Variants in HS3ST4 observed in about 807,000 individuals in gnomAD.
HS3ST4 encodes the protein heparan sulfate glucosamine 3-O-sulfotransferase 4.
Under a neutral mutation model 29.2 loss-of-function variants are expected in HS3ST4, and 17 were observed. That is an observed-to-expected ratio of 0.58 (90% CI 0.40 to 0.87). The LOEUF (loss-of-function observed/expected upper bound fraction) is 0.87. Among genes scored for constraint, HS3ST4 ranks in the 40% least tolerant of loss-of-function variants. HS3ST4 has a pLI of 0.00. For missense variants in HS3ST4, 627 were observed against 634.5 expected (o/e 0.99, Z 0.13); for synonymous variants, 314 against 285.7 (o/e 1.10, Z -1.00).
chr16:25,794,960 CT>C (rs952879839), intron 1 of HS3ST4, among the ~76,000 whole-genome samples: 2 of 145,358 alleles, frequency 1.4e-5, no homozygotes, highest in Non-Finnish European at 3.0e-5. Flanking sequence ...TAATTTTCAT[CT>C]TTTTTTCTTT....
chr16:26,106,835 C>G (rs1017703040), intron 1 of HS3ST4, among the ~76,000 whole-genome samples: 1 of 152,202 alleles, frequency 6.6e-6, no homozygotes, highest in African/African-American at 2.4e-5. Context: ...GTCACCTTCT[C>G]GTTAATCTCC....
intron 1 of HS3ST4, among the ~76,000 whole-genome samples, chr16:26,127,965 G>A (rs1482857314): frequency 6.6e-6 from 1 of 152,026 alleles, no homozygotes; most frequent in Non-Finnish European, 1.5e-5. Flanking sequence ...TCAATTATTT[G>A]TGCATCTTCC....
At chr16:25,954,327 T>C (rs1968707970) in intron 1 of HS3ST4, among the ~76,000 whole-genome samples, 1 of 152,204 alleles carries the variant, frequency 6.6e-6, no homozygotes, top group African/African-American at 2.4e-5. Context: ...TGAATCTGCT[T>C]ACCTGTTTAT....
intron 1 of HS3ST4, among the ~76,000 whole-genome samples, chr16:25,999,282 T>C (rs1477402638): frequency 1.3e-5 from 2 of 152,146 alleles, no homozygotes; most frequent in Non-Finnish European, 2.9e-5. Context: ...ATTGTATTTT[T>C]TAGCATTTGG....
chr16:25,842,928 A>G (rs546734116), intron 1 of HS3ST4, among the ~76,000 whole-genome samples: 1 of 152,352 alleles, frequency 6.6e-6, no homozygotes, highest in South Asian at 2.1e-4. Context: ...GGTGGATTTT[A>G]TTAAATGAAG....
At chr16:26,031,304 A>C (rs1474219109) in intron 1 of HS3ST4, among the ~76,000 whole-genome samples, 1 of 152,188 alleles carries the variant, frequency 6.6e-6, no homozygotes, top group East Asian at 1.9e-4. Context: ...ATGGATACAG[A>C]TCATTCAGCA....
intron 1 of HS3ST4, among the ~76,000 whole-genome samples, chr16:26,084,128 C>T (rs1898756859): frequency 6.6e-6 from 1 of 152,172 alleles, no homozygotes; most frequent in African/African-American, 2.4e-5. Context: ...TGCTTTGTTC[C>T]TGGCCAGGTC....
intron 1 of HS3ST4, among the ~76,000 whole-genome samples, chr16:26,105,566 C>T (rs947243264): frequency 2.0e-5 from 3 of 152,226 alleles, no homozygotes; most frequent in Admixed American, 6.5e-5. Context: ...ACCGTGGAAT[C>T]CAGGCAGTGG....
At chr16:26,002,067 A>C (rs986809954) in intron 1 of HS3ST4, among the ~76,000 whole-genome samples, 4 of 152,126 alleles carry the variant, frequency 2.6e-5, no homozygotes, top group Non-Finnish European at 5.9e-5. Flanking sequence ...CATAGATACT[A>C]TGAGGAGGAG....
intron 1 of HS3ST4, among the ~76,000 whole-genome samples, chr16:25,788,287 T>C (rs1966860592): frequency 6.6e-6 from 1 of 151,774 alleles, no homozygotes. Context: ...TGGTGATGGG[T>C]GTCTGTAATC....
chr16:26,085,877 AAATAATAATAATAAT>A (rs57927146), intron 1 of HS3ST4, among the ~76,000 whole-genome samples: 10 of 146,914 alleles, frequency 6.8e-5, no homozygotes, highest in Non-Finnish European at 1.5e-4. Context: ...CTGTCTCTTA[AAATAATAATAATAAT>A]AATAATAATA....
chr16:26,034,353 T>C (rs1481604326), intron 1 of HS3ST4, among the ~76,000 whole-genome samples: 1 of 152,188 alleles, frequency 6.6e-6, no homozygotes, highest in Non-Finnish European at 1.5e-5. Flanking sequence ...CACAGCACCT[T>C]ACATTCACCA....
intron 1 of HS3ST4, among the ~76,000 whole-genome samples, chr16:25,948,851 C>T (rs34709550): frequency 0.22 from 33,391 of 152,104 alleles, 4,533 homozygotes; most frequent in Non-Finnish European, 0.3. Flanking sequence ...TGCAGCAATG[C>T]CGTTGTTAAG....
intron 1 of HS3ST4, among the ~76,000 whole-genome samples, chr16:25,826,876 G>C (rs1967222717): frequency 6.6e-6 from 1 of 152,084 alleles, no homozygotes; most frequent in South Asian, 2.1e-4. Context: ...AAGTCTTCCA[G>C]AATGTGCCAT....
intron 1 of HS3ST4, among the ~76,000 whole-genome samples, chr16:25,873,542 CTCTA>C (rs796545076): frequency 3.3e-4 from 48 of 147,394 alleles, no homozygotes; most frequent in African/African-American, 7.8e-4. Flanking sequence ...ATCTATCTTT[CTCTA>C]TCTATCTGTC....
At chr16:26,009,624 T>A (rs1969292165) in intron 1 of HS3ST4, among the ~76,000 whole-genome samples, 1 of 152,158 alleles carries the variant, frequency 6.6e-6, no homozygotes, top group South Asian at 2.1e-4. Flanking sequence ...AGCACTGCCA[T>A]GTGGAATGTT....
intron 1 of HS3ST4, among the ~76,000 whole-genome samples, chr16:25,872,129 T>C (rs535305804): frequency 6.6e-6 from 1 of 152,282 alleles, no homozygotes; most frequent in South Asian, 2.1e-4. Context: ...ATAAATTATT[T>C]AAAAAGTGAC....
At chr16:26,082,832 T>C (rs568142613) in intron 1 of HS3ST4, among the ~76,000 whole-genome samples, 1 of 152,336 alleles carries the variant, frequency 6.6e-6, no homozygotes, top group African/African-American at 2.4e-5. Context: ...CCCTTGCATC[T>C]TACCAAGTGC....
Position 26,073,309 on chromosome 16 carries a change from T to C in HS3ST4, c.735-62303T>C, listed in dbSNP as rs138951365. On this transcript the variant is annotated intron_variant, in intron 1 of 1. Transcript: ENST00000331351. ...AGTCAGAATTACTCTTGAAAACTTT[T>C]TCAGATTAGGCAAATTTGGAGATCT... is the stretch of plus-strand genomic sequence containing the variant. Among the ~76,000 whole-genome samples, 231 of 152,362 alleles carry C rather than the reference T, an allele frequency of 1.5e-3. 1 individual carries two copies. The highest frequency in any genetic ancestry group is 6.0e-3 in the East Asian group (31 of 5,190).
Sources: allele counts gnomAD v4.1 joint callset (sites outside exome capture counted in the v4.1 genomes callset), GRCh38; gene constraint gnomAD v4.1.1; transcripts MANE v1.5; gene names NCBI Gene and HGNC (gene_info 2026-07-23, HGNC 2026-07-21).